SLCO1C1: variants seen among roughly 807,000 people sequenced by gnomAD.
The protein encoded by SLCO1C1 is solute carrier organic anion transporter family member 1C1.
A neutral mutation model predicts 76.4 loss-of-function variants in SLCO1C1; 70 were observed. That is an observed-to-expected ratio of 0.92 (90% CI 0.76 to 1.12). SLCO1C1 has a LOEUF of 1.12. Ranked by LOEUF, SLCO1C1 falls within the 50% of genes most tolerant of loss-of-function variation. The pLI is 0.00. For missense variants in SLCO1C1, 912 were observed against 823.8 expected, an observed-to-expected ratio of 1.11 and a Z score of -1.31; for synonymous variants, 306 against 286.1, an observed-to-expected ratio of 1.07 and a Z score of -0.70.
chr12:20,729,364 C>T (rs922836110), intron 9 of SLCO1C1, among the ~76,000 whole-genome samples: 2 of 152,100 alleles, frequency 1.3e-5, no homozygotes, highest in African/African-American at 4.8e-5. Flanking sequence ...AAGTGCTATA[C>T]ATACACTAAG....
intron 10 of SLCO1C1, among the ~76,000 whole-genome samples, chr12:20,735,779 G>A (rs1190549888): frequency 1.3e-5 from 2 of 152,030 alleles, no homozygotes; most frequent in Non-Finnish European, 2.9e-5. Context: ...CAGAGGCAGA[G>A]GCTCAAGTGA....
chr12:20,741,382 A>G (rs889130154), intron 12 of SLCO1C1, among the ~76,000 whole-genome samples: 7 of 152,172 alleles, frequency 4.6e-5, no homozygotes, highest in Non-Finnish European at 7.4e-5. Context: ...ATTTTTTATC[A>G]TAAGTTTAAA....
In SLCO1C1 at chr12:20,701,418, C is replaced by T. The variant is rs1296839389; in HGVS notation, c.230C>T (p.Pro77Leu). 3 of 1,550,014 alleles carry T rather than the reference C, an allele frequency of 1.9e-6. No individual in the cohort carries two copies. Among genetic ancestry groups the T allele is most frequent in the Non-Finnish European group, 2.6e-6 (3 of 1,134,042 alleles). Residue 77 changes from proline (P) to leucine (L), a missense_variant, in exon 3 of 15, where the codon CCT (proline) becomes CTT (leucine). Transcript: ENST00000266509. ...ITQIERRFDI[P>L]SSLVGVIDGS... ...CAGATAGAGAGAAGGTTTGATATCC[C>T]TTCTTCACTGGTGGGAGTTATTGAT...
chr12:20,708,423 T>C (rs935266795), intron 4 of SLCO1C1, among the ~76,000 whole-genome samples: 2 of 152,112 alleles, frequency 1.3e-5, no homozygotes, highest in African/African-American at 4.8e-5. Flanking sequence ...AACAGATAAA[T>C]ACAGTATGTC....
intron 9 of SLCO1C1, among the ~76,000 whole-genome samples, chr12:20,725,162 AATT>A (rs545376535): frequency 0.029 from 3,864 of 134,452 alleles, 129 homozygotes; most frequent in African/African-American, 0.077. Context: ...TAATTTTTAT[AATT>A]ATTATTTATA....
chr12:20,704,844 T>C (rs574983064), intron 3 of SLCO1C1, among the ~76,000 whole-genome samples: 1 of 151,990 alleles, frequency 6.6e-6, no homozygotes, highest in Non-Finnish European at 1.5e-5. Context: ...TTACTGTATT[T>C]AGCATGGTAC....
At chr12:20,727,106 T>C (rs1948048730) in intron 9 of SLCO1C1, among the ~76,000 whole-genome samples, 1 of 152,252 alleles carries the variant, frequency 6.6e-6, no homozygotes, top group South Asian at 2.1e-4. Flanking sequence ...CAATCCACTG[T>C]TGATGGGTGA....
At chr12:20,701,291 C>A in intron 2 of SLCO1C1, 27 bp from the exon 3 acceptor site, 14 of 1,464,368 alleles carry the variant, frequency 9.6e-6, no homozygotes, top group Non-Finnish European at 1.1e-5. Context: ...TGGAGTCAGA[C>A]TAAGTGTGAC....
At position 20,721,841 on chromosome 12, in the gene SLCO1C1, A is replaced by T. The variant is rs1947690492; in HGVS notation, c.813A>T (p.Val271=). The change falls in exon 8 of 15, where the codon GTA becomes GTT. Residue 271 remains valine, a synonymous_variant. Coordinates refer to ENST00000266509, the MANE Select transcript of SLCO1C1 (RefSeq NM_017435.5). ...ITITPKDPQW[V]GAWWLGYLIA... is the part of the protein sequence containing the mutation. ...TTACCCCAAAAGATCCCCAGTGGGT[A>T]GGAGCCTGGTGGCTTGGCTATCTAA... 1 of 1,614,180 alleles carries T rather than the reference A, an allele frequency of 6.2e-7. No individual in the cohort carries two copies. The highest frequency in any genetic ancestry group is 8.5e-7 in the Non-Finnish European group (1 of 1,180,028).
At chr12:20,733,306 T>C (rs73069318) in intron 10 of SLCO1C1, among the ~76,000 whole-genome samples, 5,236 of 152,234 alleles carry the variant, frequency 0.034, 233 homozygotes, top group African/African-American at 0.1. Flanking sequence ...TAGAGAAATA[T>C]AAAAATTGCT....
intron 4 of SLCO1C1, 31 bp downstream of exon 4, chr12:20,706,112 C>T (rs1162903049): frequency 1.3e-6 from 2 of 1,565,024 alleles, no homozygotes; most frequent in Admixed American, 1.9e-5. Flanking sequence ...TTTTCCTTGC[C>T]TTTCCAAACA....
chr12:20,743,299 T>C lies in SLCO1C1; in HGVS notation c.1734-6T>C. On this transcript the variant is annotated splice_polypyrimidine_tract_variant and splice_region_variant and intron_variant, in intron 12 of 14. Coordinates refer to ENST00000266509, the MANE Select transcript of SLCO1C1 (RefSeq NM_017435.5). ...TTTCTTGTAATGGTGCTTTTGTTGA[T>C]TTTAGGTGCATTAAGCCACAGCTTA... 1.9e-6 allele frequency: 3 copies of C among 1,611,654 alleles called. No homozygotes were observed. The highest frequency in any genetic ancestry group is 2.2e-5 in the South Asian group (2 of 90,900).
intron 8 of SLCO1C1, 132 bp downstream of exon 8, chr12:20,722,181 T>C (rs1947710703): frequency 1.6e-6 from 2 of 1,222,170 alleles, no homozygotes; most frequent in African/African-American, 1.5e-5. Flanking sequence ...AAAATGGAAA[T>C]TGATGTCAGC....
intron 13 of SLCO1C1, among the ~76,000 whole-genome samples, chr12:20,748,871 T>C (rs1484799165): frequency 2.0e-5 from 3 of 152,212 alleles, no homozygotes; most frequent in Non-Finnish European, 2.9e-5. Context: ...TTTCAGTTTA[T>C]ACCTCATTGG....
At chr12:20,711,171 T>C (rs529163539) in intron 4 of SLCO1C1, among the ~76,000 whole-genome samples, 142 of 152,310 alleles carry the variant, frequency 9.3e-4, no homozygotes, top group African/African-American at 3.3e-3. Context: ...CCACAGACCG[T>C]GGGTAGGACA....
chr12:20,723,009 T>C, intron 8 of SLCO1C1, 81 bp from the exon 9 acceptor site: 2 of 1,288,848 alleles, frequency 1.6e-6, no homozygotes, highest in Non-Finnish European at 2.2e-6. Context: ...GCCCCAGCCC[T>C]GTAAGTCCTG....
chr12:20,744,109 G>A (rs1252383210), intron 13 of SLCO1C1, among the ~76,000 whole-genome samples: 1 of 151,958 alleles, frequency 6.6e-6, no homozygotes, highest in Non-Finnish European at 1.5e-5. Flanking sequence ...TGGTTGCATA[G>A]CAAGATAATA....
intron 7 of SLCO1C1, among the ~76,000 whole-genome samples, chr12:20,717,965 T>C (rs1275910175): frequency 6.6e-6 from 1 of 152,132 alleles, no homozygotes; most frequent in East Asian, 1.9e-4. Flanking sequence ...GAAGTCCGCA[T>C]GTTAAAACAG....
At chr12:20,735,084 A>C (rs771090703) in intron 10 of SLCO1C1, among the ~76,000 whole-genome samples, 1 of 152,196 alleles carries the variant, frequency 6.6e-6, no homozygotes, top group South Asian at 2.1e-4. Flanking sequence ...TATCCCAATG[A>C]TTCCTGCCCC....
Sources: allele counts gnomAD v4.1 joint callset (sites outside exome capture counted in the v4.1 genomes callset), GRCh38; gene constraint gnomAD v4.1.1; transcripts MANE v1.5; gene names NCBI Gene and HGNC (gene_info 2026-07-23, HGNC 2026-07-21).